The following PDE4D variants were observed in gnomAD, a reference collection of about 807,000 sequenced individuals.
PDE4D encodes the protein phosphodiesterase 4D, also known as 3',5'-cyclic-AMP phosphodiesterase 4D.
Under a neutral mutation model 87.4 loss-of-function variants are expected in PDE4D, and 24 were observed. The ratio of observed to expected loss-of-function variants is 0.27; its 90% CI spans 0.20 to 0.39. The LOEUF is 0.39. PDE4D is among the 10% of genes least tolerant of loss of function. The pLI is 1.00. For synonymous variants in PDE4D, 384 were observed against 383.2 expected, an observed-to-expected ratio of 1.00 and a Z score of -0.02; for missense variants, 714 against 1,041.0, an observed-to-expected ratio of 0.69 and a Z score of 4.32.
At chr5:60,129,252 C>G (rs566055373) in intron 2 of PDE4D, among the ~76,000 whole-genome samples, 1 of 152,136 alleles carries the variant, frequency 6.6e-6, no homozygotes, top group Non-Finnish European at 1.5e-5. Flanking sequence ...TTATAGAAAA[C>G]CTGGTATGCA....
rs545665415 is a variant in PDE4D at position 59,285,895 on chromosome 5, G to A, written c.456-69927C>T. ...CTCTGGATGAAAAGGCTGCATCCTG[G>A]CCAGTCTTTAAGAACCTTATCTGGA... On this transcript the variant is annotated intron_variant, in intron 1 of 14. Transcript: ENST00000340635. Among the ~76,000 whole-genome samples the A allele has an allele frequency of 1.9e-3, 295 of 152,232 alleles. 3 individuals carry two copies. Among genetic ancestry groups the A allele is most frequent in the African/African-American group, 6.9e-3 (286 of 41,550 alleles).
chr5:59,249,839 G>A (rs1759565897), intron 1 of PDE4D, among the ~76,000 whole-genome samples: 1 of 151,832 alleles, frequency 6.6e-6, no homozygotes, highest in South Asian at 2.1e-4. Context: ...CTATACGTGT[G>A]TCGTATTGTG....
chr5:59,209,304 G>A (rs927465859), intron 2 of PDE4D, among the ~76,000 whole-genome samples: 13 of 152,008 alleles, frequency 8.6e-5, no homozygotes, highest in African/African-American at 2.7e-4. Context: ...TCCTGCTTCA[G>A]CCTCCCAAGT....
chr5:59,023,989 A>G (rs1313161667), intron 6 of PDE4D, among the ~76,000 whole-genome samples: 58 of 134,910 alleles, frequency 4.3e-4, no homozygotes, highest in Middle Eastern at 5.1e-3. Flanking sequence ...TGCAACCTCT[A>G]CCTCCTGGGT....
chr5:59,987,238 G>A (rs1419063083), intron 3 of PDE4D: 1 of 152,122 alleles, frequency 6.6e-6, no homozygotes, highest in Non-Finnish European at 1.5e-5. Flanking sequence ...AGTTTCAGGG[G>A]AACAGCATTT....
chr5:59,447,946 C>G (rs192295071), intron 1 of PDE4D, among the ~76,000 whole-genome samples: 41 of 152,136 alleles, frequency 2.7e-4, no homozygotes, highest in African/African-American at 4.6e-4. Context: ...CAGAACAAAA[C>G]GAACATATCA....
chr5:59,979,667 A>G (rs888469542), intron 3 of PDE4D, among the ~76,000 whole-genome samples: 1 of 152,150 alleles, frequency 6.6e-6, no homozygotes, highest in African/African-American at 2.4e-5. Context: ...ACTAAATAGC[A>G]TTTATTTTTG....
chr5:59,359,830 G>C (rs534366046), intron 1 of PDE4D, among the ~76,000 whole-genome samples: 3 of 152,236 alleles, frequency 2.0e-5, no homozygotes, highest in African/African-American at 4.8e-5. Context: ...CCATCCCTGA[G>C]ACAAATTATT....
intron 1 of PDE4D, among the ~76,000 whole-genome samples, chr5:60,520,093 C>T (rs1750967408): frequency 1.3e-5 from 2 of 151,826 alleles, no homozygotes; most frequent in South Asian, 4.1e-4. Context: ...GTTCAAATTA[C>T]AATGTACCTT....
intron 1 of PDE4D, among the ~76,000 whole-genome samples, chr5:59,759,682 G>A (rs1239626468): frequency 1.3e-5 from 2 of 152,104 alleles, no homozygotes; most frequent in Admixed American, 6.6e-5. Flanking sequence ...TCCACAGAGG[G>A]CAACAGCCAG....
rs184569516 is a variant in PDE4D at position 59,576,369 on chromosome 5, G to A, written c.455+316799C>T. ...AGTCTATACTTGGAATGGATAACCT[G>A]TTAAATGTGATAGTTATTATCTGTA... On this transcript the variant is annotated intron_variant, in intron 1 of 14. Transcript: ENST00000340635. Among the ~76,000 whole-genome samples the A allele has an allele frequency of 2.0e-5, 3 of 152,214 alleles. No individual in the cohort carries two copies. The East Asian group carries it at 5.8e-4, about 29-fold the overall frequency.
intron 1 of PDE4D, among the ~76,000 whole-genome samples, chr5:59,228,890 G>A (rs535606679): frequency 1.3e-5 from 2 of 152,046 alleles, no homozygotes; most frequent in South Asian, 4.2e-4. Flanking sequence ...TGGATTTGCA[G>A]TTCTCTTTGC....
chr5:60,390,334 A>G (rs1373954057), intron 1 of PDE4D, among the ~76,000 whole-genome samples: 3 of 152,228 alleles, frequency 2.0e-5, no homozygotes, highest in Non-Finnish European at 4.4e-5. Context: ...AGCAAGAAAA[A>G]GAGGCCAACC....
At chr5:59,882,839 G>A (rs952276298) in intron 1 of PDE4D, among the ~76,000 whole-genome samples, 19 of 151,026 alleles carry the variant, frequency 1.3e-4, no homozygotes, top group East Asian at 5.9e-4. Flanking sequence ...GTTCAGTGGC[G>A]CGATCTTGGC....
intron 1 of PDE4D, among the ~76,000 whole-genome samples, chr5:60,186,716 T>C (rs1382552577): frequency 6.6e-6 from 1 of 152,122 alleles, no homozygotes; most frequent in African/African-American, 2.4e-5. Flanking sequence ...GTCTGAGACT[T>C]AAGGAAAAGA....
intron 1 of PDE4D, among the ~76,000 whole-genome samples, chr5:59,877,517 A>C (rs1349333250): frequency 6.6e-6 from 1 of 151,344 alleles, no homozygotes; most frequent in Non-Finnish European, 1.5e-5. Flanking sequence ...GAACAAAAAA[A>C]AAGCTTAGAT....
At chr5:59,441,985 C>T (rs915207895) in intron 1 of PDE4D, among the ~76,000 whole-genome samples, 3 of 151,894 alleles carry the variant, frequency 2.0e-5, no homozygotes, top group Admixed American at 1.3e-4. Context: ...ATTCACACAT[C>T]CATTATAGCT....
chr5:60,149,905 GTATA>G (rs1257107243), intron 2 of PDE4D, among the ~76,000 whole-genome samples: 2 of 144,726 alleles, frequency 1.4e-5, no homozygotes, highest in East Asian at 4.0e-4. Context: ...ATATATACTA[GTATA>G]TAATTTATAT....
At chr5:60,010,683 G>C (rs1398841790) in intron 2 of PDE4D, among the ~76,000 whole-genome samples, 1 of 152,016 alleles carries the variant, frequency 6.6e-6, no homozygotes, top group Non-Finnish European at 1.5e-5. Flanking sequence ...TGTTGTATTT[G>C]TTTCAAATAT....
Sources: allele counts gnomAD v4.1 joint callset (sites outside exome capture counted in the v4.1 genomes callset), GRCh38; gene constraint gnomAD v4.1.1; transcripts MANE v1.5; gene names NCBI Gene and HGNC (gene_info 2026-07-23, HGNC 2026-07-21).